Variants in FOXP2 observed in about 807,000 individuals in gnomAD.
FOXP2 encodes forkhead box protein P2.
FOXP2 carries 12 observed loss-of-function variants against 115.8 expected under a neutral mutation model. The ratio of observed to expected loss-of-function variants is 0.10; its 90% CI spans 0.07 to 0.17. The LOEUF (loss-of-function observed/expected upper bound fraction) is 0.17, where lower values mean the gene tolerates loss of function less well. FOXP2 is among the 10% of genes least tolerant of loss of function. The pLI, the probability that FOXP2 is intolerant of heterozygous loss-of-function variation, is 1.00. For missense variants in FOXP2, 629 were observed against 843.5 expected (o/e 0.75, Z 3.15); for synonymous variants, 328 against 297.7 (o/e 1.10, Z -1.05).
At position 114,642,653 on chromosome 7, in the gene FOXP2, A is replaced by G. The variant is rs371496420; in HGVS notation, c.989+30A>G. ...ATCTCATGAGCTTTATTCTATATTT[A>G]TCTATTTTCAGATTTTATTTTCACC... On this transcript the variant is annotated intron_variant, in intron 7 of 16. Coordinates refer to ENST00000350908, the MANE Select transcript of FOXP2 (RefSeq NM_014491.4). 1.1e-5 allele frequency: 18 copies of G among 1,589,976 alleles called. No individual in the cohort carries two copies. In the African/African-American group the frequency reaches 2.0e-4, roughly 18 times the overall value.
intron 1 of FOXP2, among the ~76,000 whole-genome samples, chr7:114,148,344 T>C (rs1792435365): frequency 6.6e-6 from 1 of 152,194 alleles, no homozygotes; most frequent in Non-Finnish European, 1.5e-5. Flanking sequence ...ATTTTTTCTT[T>C]CTAAAAACTT....
In FOXP2 at chr7:114,177,578, A is replaced by G. The variant is rs1027382096; in HGVS notation, c.-102+14490A>G. Among the ~76,000 whole-genome samples the G allele has an allele frequency of 1.2e-4, 18 of 152,158 alleles. No homozygotes were observed. In the Middle Eastern group the frequency reaches 0.017, roughly 144 times the overall value. On this transcript the variant is annotated intron_variant, in intron 1 of 17. Transcript: ENST00000634411. ...CTTGAATGAATATATCTATTTATAT[A>G]TGGTTTTGTGCATCTATTTGAGAGT... is the stretch of plus-strand genomic sequence containing the variant.
intron 1 of FOXP2, among the ~76,000 whole-genome samples, chr7:114,213,263 G>T (rs1488265204): frequency 6.6e-6 from 1 of 152,084 alleles, no homozygotes; most frequent in African/African-American, 2.4e-5. Flanking sequence ...TGGTTGAGTA[G>T]GTCTGTAAGC....
At chr7:114,359,844 A>C (rs1235854516) in intron 2 of FOXP2, among the ~76,000 whole-genome samples, 3 of 152,196 alleles carry the variant, frequency 2.0e-5, no homozygotes, top group Admixed American at 6.5e-5. Context: ...CATAGGTGGA[A>C]GGGACTTGCC....
intron 1 of FOXP2, among the ~76,000 whole-genome samples, chr7:114,114,624 C>T (rs1037818273): frequency 7.2e-5 from 11 of 152,218 alleles, no homozygotes; most frequent in Non-Finnish European, 1.5e-4. Context: ...CTGAGCAACT[C>T]TTCCTGGATA....
At chr7:114,242,778 G>T (rs1196828150) in intron 1 of FOXP2, among the ~76,000 whole-genome samples, 3 of 152,136 alleles carry the variant, frequency 2.0e-5, no homozygotes, top group Admixed American at 1.3e-4. Flanking sequence ...TTGAGGTATA[G>T]CACCATTCCT....
chr7:114,689,184 A>G (rs902070510), intron 16 of FOXP2, among the ~76,000 whole-genome samples: 5 of 152,182 alleles, frequency 3.3e-5, no homozygotes. Context: ...TAATGTATGT[A>G]CACACACAAA....
At chr7:114,631,357 GA>G (rs1804910356) in intron 5 of FOXP2, among the ~76,000 whole-genome samples, 170 bp from the exon 6 acceptor site, 1 of 152,092 alleles carries the variant, frequency 6.6e-6, no homozygotes, top group Non-Finnish European at 1.5e-5. Flanking sequence ...ATAATTGAAA[GA>G]AAGGCAACTG....
chr7:114,390,939 A>G, intron 2 of FOXP2, among the ~76,000 whole-genome samples: 1 of 152,138 alleles, frequency 6.6e-6, no homozygotes, highest in East Asian at 1.9e-4. Flanking sequence ...CTGTAATCCC[A>G]GCACTTTGGG....
intron 1 of FOXP2, among the ~76,000 whole-genome samples, chr7:114,108,982 T>C (rs1349481626): frequency 6.6e-6 from 1 of 151,972 alleles, no homozygotes; most frequent in Non-Finnish European, 1.5e-5. Context: ...GGTAATTTCA[T>C]AAAACAATAA....
At chr7:114,675,442 T>A (rs537047920) in intron 16 of FOXP2, among the ~76,000 whole-genome samples, 1 of 152,174 alleles carries the variant, frequency 6.6e-6, no homozygotes, top group African/African-American at 2.4e-5. Flanking sequence ...GAAAAGACAT[T>A]TAAATAATCC....
intron 1 of FOXP2, chr7:114,287,952 C>A: frequency 2.6e-6 from 1 of 391,010 alleles, no homozygotes; most frequent in South Asian, 2.0e-5. Context: ...GAAGTCACTG[C>A]ACTAATTGTG....
chr7:114,096,383 T>C (rs560240885), intron 1 of FOXP2, among the ~76,000 whole-genome samples: 13 of 152,366 alleles, frequency 8.5e-5, no homozygotes, highest in African/African-American at 3.1e-4. Context: ...CAGTTTATAA[T>C]ATTCCTTTAC....
At chr7:114,253,475 C>T (rs1452756092) in intron 1 of FOXP2, among the ~76,000 whole-genome samples, 1 of 152,058 alleles carries the variant, frequency 6.6e-6, no homozygotes, top group Non-Finnish European at 1.5e-5. Context: ...TCTTGGTGCT[C>T]CTGTATTGGG....
At chr7:114,153,741 A>T (rs1028641633) in intron 1 of FOXP2, among the ~76,000 whole-genome samples, 1 of 152,010 alleles carries the variant, frequency 6.6e-6, no homozygotes, top group African/African-American at 2.4e-5. Context: ...TTCATAGGCC[A>T]TTCTGATTTG....
chr7:114,384,003 GC>G (rs1482192857), intron 2 of FOXP2, among the ~76,000 whole-genome samples: 8 of 152,120 alleles, frequency 5.3e-5, no homozygotes, highest in Non-Finnish European at 1.2e-4. Flanking sequence ...GGTCCGGGCT[GC>G]TGGATTCTAG....
chr7:114,315,610 G>GCA (rs144465419), intron 2 of FOXP2, among the ~76,000 whole-genome samples: 16,585 of 145,934 alleles, frequency 0.11, 1,009 homozygotes, highest in Non-Finnish European at 0.14. Flanking sequence ...CACTATACAT[G>GCA]CACACACACA....
chr7:114,335,781 T>C (rs769913163), intron 2 of FOXP2, among the ~76,000 whole-genome samples: 1 of 151,784 alleles, frequency 6.6e-6, no homozygotes, highest in Non-Finnish European at 1.5e-5. Context: ...TTATTTATTA[T>C]GGTAAACAGT....
intron 2 of FOXP2, among the ~76,000 whole-genome samples, chr7:114,456,117 G>A (rs1795303013): frequency 6.6e-6 from 1 of 152,090 alleles, no homozygotes; most frequent in Non-Finnish European, 1.5e-5. Flanking sequence ...TATACTAAAT[G>A]TATCTTTGTC....
Sources: allele counts gnomAD v4.1 joint callset (sites outside exome capture counted in the v4.1 genomes callset), GRCh38; gene constraint gnomAD v4.1.1; transcripts MANE v1.5; gene names NCBI Gene and HGNC (gene_info 2026-07-23, HGNC 2026-07-21).